Variants in CDYL2 observed in about 807,000 individuals in gnomAD.
CDYL2 encodes chromodomain Y like 2.
In CDYL2, 23 loss-of-function variants were observed where a neutral mutation model predicts 49.4. That is an observed-to-expected ratio of 0.47 (90% CI 0.34 to 0.66). The LOEUF (loss-of-function observed/expected upper bound fraction) is 0.66, where lower values mean the gene tolerates loss of function less well. Ranked by LOEUF, CDYL2 falls within the 30% of genes least tolerant of loss-of-function variation. The probability of loss-of-function intolerance (pLI) is 0.01; values close to 1 mark genes in which losing one functional copy is unlikely to be tolerated. For synonymous variants in CDYL2, 360 were observed against 268.8 expected (o/e 1.34, Z -3.32); for missense variants, 678 against 656.4 (o/e 1.03, Z -0.36).
rs140486960 is a variant in CDYL2, at chr16:80,756,653, A to G, written c.24+47497T>C. ...AAAGGAACACTTTTCCACTCATTTT[A>G]TAACATTTAATGACCTTGACAGAAA... is the stretch of plus-strand genomic sequence containing the variant. On this transcript the variant is annotated intron_variant, in intron 1 of 6. Coordinates refer to ENST00000570137, the MANE Select transcript of CDYL2 (RefSeq NM_152342.4). Among the ~76,000 whole-genome samples the G allele has an allele frequency of 5.3e-3, 801 of 152,284 alleles. 4 individuals carry two copies. The highest frequency in any genetic ancestry group is 0.018 in the African/African-American group (760 of 41,580).
chr16:80,658,778 C>A (rs1236423303), intron 2 of CDYL2, among the ~76,000 whole-genome samples: 5 of 152,078 alleles, frequency 3.3e-5, no homozygotes, highest in African/African-American at 1.2e-4. Context: ...AAATAACAAT[C>A]CCACTAAAAT....
chr16:80,766,176 A>G (rs1218350892), intron 1 of CDYL2, among the ~76,000 whole-genome samples: 1 of 152,056 alleles, frequency 6.6e-6, no homozygotes, highest in Non-Finnish European at 1.5e-5. Context: ...ACTGATTACG[A>G]TAATGGCTGC....
intron 1 of CDYL2, among the ~76,000 whole-genome samples, chr16:80,693,500 G>A (rs1488302579): frequency 6.6e-6 from 1 of 152,162 alleles, no homozygotes; most frequent in Non-Finnish European, 1.5e-5. Flanking sequence ...ACTAACAGGG[G>A]CTTAATTTGT....
At chr16:80,687,990 G>C (rs1194151054) in intron 1 of CDYL2, among the ~76,000 whole-genome samples, 1 of 152,186 alleles carries the variant, frequency 6.6e-6, no homozygotes, top group Non-Finnish European at 1.5e-5. Context: ...GGGAAGAAGA[G>C]AGAGTATACC....
rs148807451 is a variant in CDYL2 at position 80,774,908 on chromosome 16, A to T, written c.24+29242T>A. Among the ~76,000 whole-genome samples, 433 of 152,066 alleles carry T rather than the reference A, an allele frequency of 2.8e-3. 3 individuals carry two copies. The highest frequency in any genetic ancestry group is 9.1e-3 in the African/African-American group (379 of 41,496). ...GACTGAATTTAGCTAAATATTAAAAAAAAAAATGCCTTATCACCAAGTAGG... is the reference window on the plus strand; with the variant it reads ...GACTGAATTTAGCTAAATATTAAAATAAAAAATGCCTTATCACCAAGTAGG... On this transcript the variant is annotated intron_variant, in intron 1 of 6. Coordinates refer to ENST00000570137, the MANE Select transcript of CDYL2 (RefSeq NM_152342.4).
At chr16:80,638,420 T>A (rs759105497) in intron 2 of CDYL2, among the ~76,000 whole-genome samples, 1 of 152,216 alleles carries the variant, frequency 6.6e-6, no homozygotes, top group Non-Finnish European at 1.5e-5. Context: ...ACTTGATCTA[T>A]AGACTCAATG....
intron 1 of CDYL2, among the ~76,000 whole-genome samples, chr16:80,707,695 C>G (rs1426740966): frequency 1.3e-5 from 2 of 152,156 alleles, no homozygotes. Flanking sequence ...TAATCCTTTC[C>G]TAGTTTTTAA....
chr16:80,711,976 C>CAT (rs564082458), intron 1 of CDYL2, among the ~76,000 whole-genome samples: 2 of 148,144 alleles, frequency 1.4e-5, no homozygotes, highest in African/African-American at 5.1e-5. Context: ...TGTGTATACA[C>CAT]ATATATATAT....
In CDYL2 at chr16:80,632,962, C is replaced by G. The variant is rs1907633965; in HGVS notation, c.834+57G>C. The G allele has an allele frequency of 3.3e-6, 5 of 1,519,362 alleles. No homozygotes were observed. In the Admixed American group the frequency reaches 5.0e-5, roughly 15 times the overall value. 94.1% of individuals were successfully genotyped at this position (1,519,362 alleles called of 1,614,324 possible). ...GGAAGGAGAAAGCCAATATTCCATT[C>G]TGAGTGAGAAGGAGCCACAGCCCAG... On this transcript the variant is annotated intron_variant, in intron 3 of 6. Transcript: ENST00000570137.
intron 2 of CDYL2, among the ~76,000 whole-genome samples, chr16:80,680,270 T>A (rs1909917222): frequency 6.6e-6 from 1 of 152,180 alleles, no homozygotes. Flanking sequence ...ATGCAACGTC[T>A]GTGCAGCAGA....
At chr16:80,733,770 T>C (rs1477236214) in intron 1 of CDYL2, among the ~76,000 whole-genome samples, 1 of 152,200 alleles carries the variant, frequency 6.6e-6, no homozygotes, top group Non-Finnish European at 1.5e-5. Flanking sequence ...ACAGACCCAG[T>C]GATTGCCTTT....
rs1906114605 is a variant in CDYL2, at chr16:80,602,108, G to C, written c.*2280C>G. ...TCTTTCTAATGAAAATTTAGCAGTA[G>C]TGAAGACACTGTCTGCCACAATATG... is the stretch of plus-strand genomic sequence containing the variant. On this transcript the variant is annotated 3_prime_UTR_variant, in exon 7 of 7. Coordinates refer to ENST00000570137, the MANE Select transcript of CDYL2 (RefSeq NM_152342.4). 1 of 152,232 alleles carries C rather than the reference G, an allele frequency of 6.6e-6. No homozygotes were observed. The highest frequency in any genetic ancestry group is 2.4e-5 in the African/African-American group (1 of 41,464). 9.4% of individuals were successfully genotyped at this position (152,232 alleles called of 1,614,324 possible). A position where few individuals can be genotyped will look rare whatever the true frequency, so the allele number is the denominator to read the frequency against.
intron 1 of CDYL2, among the ~76,000 whole-genome samples, chr16:80,692,111 T>C (rs72807904): frequency 1.4e-4 from 21 of 152,270 alleles, no homozygotes; most frequent in Non-Finnish European, 2.6e-4. Context: ...GAAAAAAATC[T>C]AAACAGGGCA....
intron 1 of CDYL2, among the ~76,000 whole-genome samples, chr16:80,719,009 T>A (rs997656756): frequency 6.6e-6 from 1 of 152,188 alleles, no homozygotes; most frequent in South Asian, 2.1e-4. Context: ...AATACTGGGC[T>A]TGACGACTTA....
At chr16:80,770,690 C>T (rs915269377) in intron 1 of CDYL2, among the ~76,000 whole-genome samples, 1 of 152,060 alleles carries the variant, frequency 6.6e-6, no homozygotes, top group Non-Finnish European at 1.5e-5. Context: ...TAATTCTTGT[C>T]AATGTCAAAG....
intron 1 of CDYL2, among the ~76,000 whole-genome samples, chr16:80,756,795 C>G (rs912875818): frequency 2.0e-5 from 3 of 151,780 alleles, no homozygotes; most frequent in Non-Finnish European, 4.4e-5. Context: ...AGAAAATATA[C>G]TTCCATCAGC....
At chr16:80,729,421 T>C (rs547304477) in intron 1 of CDYL2, among the ~76,000 whole-genome samples, 22 of 152,158 alleles carry the variant, frequency 1.4e-4, no homozygotes, top group African/African-American at 4.3e-4. Context: ...TATATACGCA[T>C]CCAATACAGG....
At chr16:80,776,650 T>C (rs1016758195) in intron 1 of CDYL2, among the ~76,000 whole-genome samples, 1 of 150,850 alleles carries the variant, frequency 6.6e-6, no homozygotes, top group African/African-American at 2.4e-5. Flanking sequence ...AACGTACATT[T>C]GTATATTCTT....
chr16:80,661,483 C>G (rs1909042769), intron 2 of CDYL2, among the ~76,000 whole-genome samples: 1 of 152,152 alleles, frequency 6.6e-6, no homozygotes. Context: ...CATCACGACC[C>G]TGTAGGACAC....
Sources: allele counts gnomAD v4.1 joint callset (sites outside exome capture counted in the v4.1 genomes callset), GRCh38; gene constraint gnomAD v4.1.1; transcripts MANE v1.5; gene names NCBI Gene and HGNC (gene_info 2026-07-23, HGNC 2026-07-21).